ADGRB1: variants seen among roughly 807,000 people sequenced by gnomAD.
The protein encoded by ADGRB1 is brain-specific angiogenesis inhibitor 1.
ADGRB1 carries 36 observed loss-of-function variants against 175.7 expected under a neutral mutation model. That is an observed-to-expected ratio of 0.20 (90% confidence interval 0.16 to 0.27). ADGRB1 has a LOEUF of 0.27. Among genes scored for constraint, ADGRB1 ranks in the 10% least tolerant of loss-of-function variants. The pLI is 1.00. For synonymous variants in ADGRB1, 1,054 were observed against 979.4 expected, an observed-to-expected ratio of 1.08 and a Z score of -1.42; for missense variants, 1,731 against 2,255.3, an observed-to-expected ratio of 0.77 and a Z score of 4.71.
intron 11 of ADGRB1, 131 bp from the exon 12 acceptor site, chr8:142,483,846 C>T: frequency 1.1e-6 from 1 of 945,542 alleles, no homozygotes; most frequent in Non-Finnish European, 1.7e-6. Context: ...CCTGGTCACA[C>T]ACTGAGCCCT....
At chr8:142,470,531 GT>G (rs1215122006) in intron 2 of ADGRB1, among the ~76,000 whole-genome samples, 1 of 151,620 alleles carries the variant, frequency 6.6e-6, no homozygotes, top group African/African-American at 2.4e-5. Context: ...TCCCTCTGTG[GT>G]GTGTGTCCCT....
chr8:142,514,715 G>A (rs573694598), intron 18 of ADGRB1, among the ~76,000 whole-genome samples: 8 of 152,106 alleles, frequency 5.3e-5, no homozygotes, highest in Non-Finnish European at 7.4e-5. Flanking sequence ...AGGGCCCAGT[G>A]TGTGCCCAAG....
rs145640729 is a variant in ADGRB1 at position 142,494,999 on chromosome 8, G to A, written c.2675+4184G>A. On this transcript the variant is annotated intron_variant, in intron 17 of 30. Coordinates refer to ENST00000517894, the MANE Select transcript of ADGRB1 (RefSeq NM_001702.3). ...TCTCTACTGGAGTGGGGTGGAGGGCGGGGACAGTGGCAGTTATGTCAAAGT... is the reference window on the plus strand; with the variant it reads ...TCTCTACTGGAGTGGGGTGGAGGGCAGGGACAGTGGCAGTTATGTCAAAGT... Among the ~76,000 whole-genome samples, 193 of 152,250 alleles carry A rather than the reference G, an allele frequency of 1.3e-3. 1 individual carries two copies. The highest frequency in any genetic ancestry group is 3.9e-3 in the African/African-American group (163 of 41,528).
chr8:142,543,569 C>G lies in ADGRB1; in HGVS notation c.4450-32C>G, dbSNP rs1845413221. The G allele has an allele frequency of 1.3e-6, 2 of 1,572,506 alleles. No homozygotes were observed. Among genetic ancestry groups the G allele is most frequent in the Non-Finnish European group, 1.7e-6 (2 of 1,158,742 alleles). ...AGGATGGGCCATGCCCTCCTCCTGGCCCAGGACTCACTGCCCAGACCCCGC... is the reference window on the plus strand; with the variant it reads ...AGGATGGGCCATGCCCTCCTCCTGGGCCAGGACTCACTGCCCAGACCCCGC... On this transcript the variant is annotated intron_variant, in intron 29 of 30. Coordinates refer to ENST00000517894, the MANE Select transcript of ADGRB1 (RefSeq NM_001702.3). This position sits in a 1 kb window ranked among gnomAD's most constrained non-coding sequence, Gnocchi z 4.4.
At chr8:142,468,686 C>T (rs538190857) in intron 2 of ADGRB1, among the ~76,000 whole-genome samples, 1 of 152,342 alleles carries the variant, frequency 6.6e-6, no homozygotes, top group East Asian at 1.9e-4. Flanking sequence ...CCCTAGAGAC[C>T]CGCAGGGCTC....
intron 18 of ADGRB1, among the ~76,000 whole-genome samples, chr8:142,516,332 CGT>C (rs1843428113): frequency 8.8e-6 from 1 of 113,876 alleles, no homozygotes; most frequent in Non-Finnish European, 1.7e-5. Context: ...CAGGTGCATG[CGT>C]GTGTGCGGGC....
rs1845371235 is a variant in ADGRB1 at position 142,542,977 on chromosome 8, A to AT, written c.4413+330_4413+331insT. On this transcript the variant is annotated intron_variant, in intron 28 of 30. Coordinates refer to ENST00000517894, the MANE Select transcript of ADGRB1 (RefSeq NM_001702.3). This position sits in a 1 kb window ranked among gnomAD's most constrained non-coding sequence, Gnocchi z 6.3. ...CACATACCTGCCTAGGTCAGCCTGG[A>AT]GCCTGCAGCTGACCCAGCCTCAGTC... Among the ~76,000 whole-genome samples, 1 of 152,132 alleles carries AT rather than the reference A, an allele frequency of 6.6e-6. No individual in the cohort carries two copies. Among genetic ancestry groups the AT allele is most frequent in the South Asian group, 2.1e-4 (1 of 4,834 alleles).
chr8:142,474,087 C>G lies in ADGRB1; in HGVS notation c.785-1387C>G, dbSNP rs914424121. ...ATGTTGTAAATGATGGGAGTGAGGC[C>G]AGTGGGTGGTGGGGCCACTGGGGGA... On this transcript the variant is annotated intron_variant, in intron 2 of 30. Coordinates refer to ENST00000517894, the MANE Select transcript of ADGRB1 (RefSeq NM_001702.3). This position sits in a 1 kb window ranked among gnomAD's most constrained non-coding sequence, Gnocchi z 5.8. Among the ~76,000 whole-genome samples, 5 of 152,290 alleles carry G rather than the reference C, an allele frequency of 3.3e-5. No individual in the cohort carries two copies. In the South Asian group the frequency reaches 1.0e-3, roughly 32 times the overall value.
chr8:142,477,822 G>T (rs1302577930), intron 6 of ADGRB1, among the ~76,000 whole-genome samples: 1 of 151,842 alleles, frequency 6.6e-6, no homozygotes, highest in Non-Finnish European at 1.5e-5. Flanking sequence ...TCCCAGGCTG[G>T]GTGTGGGGTG....
chr8:142,450,979 C>G (rs1205140863), intron 1 of ADGRB1, among the ~76,000 whole-genome samples: 1 of 152,154 alleles, frequency 6.6e-6, no homozygotes, highest in East Asian at 1.9e-4. Flanking sequence ...TGAGCAGAGG[C>G]CGCCGGCCCT....
intron 20 of ADGRB1, 45 bp downstream of exon 20, chr8:142,520,970 G>A (rs1208056539): frequency 1.9e-6 from 3 of 1,554,180 alleles, no homozygotes; most frequent in South Asian, 1.1e-5. Flanking sequence ...ACATCCTCGG[G>A]TGGTGAGGAT....
chr8:142,511,055 C>T lies in ADGRB1; in HGVS notation c.2799C>T (p.Ala933=). Residue 933 remains alanine, a synonymous_variant, in exon 18 of 31, where the codon GCC becomes GCT. Transcript: ENST00000517894. The surrounding 1 kb of genome is among the most constrained non-coding windows in gnomAD (Gnocchi z 4.5). The stretch of plus-strand genomic sequence containing the variant: ...GGCTCTCCACCTTCGCCATCTTAGC[C>T]CAGCTCAGCGCCGACGCGGTGAGAC... ...CDRLSTFAIL[A]QLSADANMEK... 1 of 1,259,956 alleles carries T rather than the reference C, an allele frequency of 7.9e-7. No individual in the cohort carries two copies. Among genetic ancestry groups the T allele is most frequent in the Non-Finnish European group, 1.0e-6 (1 of 984,044 alleles). 78.0% of individuals were successfully genotyped at this position (1,259,956 alleles called of 1,614,324 possible).
chr8:142,460,119 G>A (rs955500487), intron 1 of ADGRB1, among the ~76,000 whole-genome samples: 22 of 152,270 alleles, frequency 1.4e-4, no homozygotes, highest in Non-Finnish European at 4.4e-5. Flanking sequence ...GGTCACCCCC[G>A]GCCTTGGCCA....
chr8:142,512,103 C>T (rs779888158), intron 18 of ADGRB1, among the ~76,000 whole-genome samples: 2 of 152,242 alleles, frequency 1.3e-5, no homozygotes, highest in Non-Finnish European at 2.9e-5. Context: ...GTGCCAGAGC[C>T]GGATGGGACC....
In ADGRB1 at chr8:142,524,270, A is replaced by G. The variant is rs1348595603; in HGVS notation, c.3278A>G (p.Tyr1093Cys). ...CTCTCCCTGGAGGGGGGACTGCTCT[A>G]TGCCTTCGTGGGACCTGCCGCTGCC... ...CWLSLEGGLLYAFVGPAAAVV... is the reference protein window; with the variant it reads ...CWLSLEGGLLCAFVGPAAAVV... Residue 1093 changes from tyrosine to cysteine, a missense_variant, in exon 23 of 31, where the codon TAT becomes TGT. Physicochemically the swap from Tyr to Cys is radical, Grantham distance 194 (BLOSUM62 -2). Around this residue, in one of 8 missense-constraint regions of ADGRB1, gnomAD observed 301 missense variants for 488.4 expected, o/e 0.62. Coordinates refer to ENST00000517894, the MANE Select transcript of ADGRB1 (RefSeq NM_001702.3). The G allele has an allele frequency of 1.2e-6, 2 of 1,600,140 alleles. No homozygotes were observed. The highest frequency in any genetic ancestry group is 1.7e-6 in the Non-Finnish European group (2 of 1,178,944).
intron 23 of ADGRB1, among the ~76,000 whole-genome samples, chr8:142,524,932 C>T (rs1844086897): frequency 6.6e-6 from 1 of 152,100 alleles, no homozygotes; most frequent in Non-Finnish European, 1.5e-5. Context: ...TGAGCCCACT[C>T]AGCCAGCCCC....
rs766095718 is a variant in ADGRB1 at position 142,488,523 on chromosome 8, A to G, written c.2452+16A>G. 6.2e-7 allele frequency: 1 copy of G among 1,609,478 alleles called. No individual in the cohort carries two copies. Among genetic ancestry groups the G allele is most frequent in the South Asian group, 1.1e-5 (1 of 90,948 alleles). On this transcript the variant is annotated intron_variant, in intron 14 of 30. Transcript: ENST00000517894. The stretch of plus-strand genomic sequence containing the variant: ...GGGCTGACAGGTGAGGGGCCCAGGG[A>G]GTGGAGGGGGACCTTCATGGGGGAC...
chr8:142,484,245 C>T (rs758341271), intron 12 of ADGRB1, among the ~76,000 whole-genome samples, 200 bp downstream of exon 12: 4 of 152,214 alleles, frequency 2.6e-5, no homozygotes, highest in Non-Finnish European at 2.9e-5. Context: ...TAAGGACAGT[C>T]ATTTATTTCC....
chr8:142,462,682 C>T (rs1230709765), intron 1 of ADGRB1, among the ~76,000 whole-genome samples: 1 of 152,244 alleles, frequency 6.6e-6, no homozygotes, highest in Non-Finnish European at 1.5e-5. Flanking sequence ...GGGCGACCGG[C>T]ATTTGTGCGG....
Sources: allele counts gnomAD v4.1 joint callset (sites outside exome capture counted in the v4.1 genomes callset), GRCh38; gene constraint gnomAD v4.1.1; regional missense constraint gnomAD v4.1.1; non-coding constraint Gnocchi (gnomAD v3.1); transcripts MANE v1.5; gene names NCBI Gene and HGNC (gene_info 2026-07-23, HGNC 2026-07-21).